The following USP6NL variants were observed in gnomAD, a reference collection of about 807,000 sequenced individuals.
USP6NL encodes the protein USP6 N-terminal-like protein.
In USP6NL, 26 loss-of-function variants were observed where a neutral mutation model predicts 61.9. The ratio of observed to expected loss-of-function variants is 0.42; its 90% CI spans 0.31 to 0.58. The LOEUF (loss-of-function observed/expected upper bound fraction) is 0.58, where lower values mean the gene tolerates loss of function less well. Ranked by LOEUF, USP6NL falls within the 20% of genes least tolerant of loss-of-function variation. The probability of loss-of-function intolerance (pLI) is 0.16; values close to 1 mark genes in which losing one functional copy is unlikely to be tolerated. For missense variants in USP6NL, 1,114 were observed against 1,034.3 expected (o/e 1.08, Z -1.06); for synonymous variants, 432 against 390.1 (o/e 1.11, Z -1.27).
chr10:11,568,354 T>C (rs553211466), intron 2 of USP6NL, among the ~76,000 whole-genome samples: 4 of 152,242 alleles, frequency 2.6e-5, no homozygotes, highest in South Asian at 2.1e-4. Context: ...GTAAACACCA[T>C]GACACAAAGA....
chr10:11,550,824 G>A (rs1338932478), intron 2 of USP6NL, among the ~76,000 whole-genome samples: 1 of 149,662 alleles, frequency 6.7e-6, no homozygotes, highest in Non-Finnish European at 1.5e-5. Context: ...GATTTGAATA[G>A]ACACTTCACA....
chr10:11,536,145 A>G (rs983623881), intron 2 of USP6NL, among the ~76,000 whole-genome samples: 8 of 152,230 alleles, frequency 5.3e-5, no homozygotes, highest in Non-Finnish European at 1.2e-4. Flanking sequence ...GGCTACATAC[A>G]CCAGCTCTCC....
intron 7 of USP6NL, among the ~76,000 whole-genome samples, chr10:11,500,663 G>A (rs1335027830): frequency 2.0e-5 from 3 of 151,650 alleles, no homozygotes; most frequent in African/African-American, 7.3e-5. Context: ...TTTCATGCTA[G>A]AAGAAAAGAA....
intron 2 of USP6NL, among the ~76,000 whole-genome samples, chr10:11,556,494 G>A (rs1316507315): frequency 6.6e-6 from 1 of 152,056 alleles, no homozygotes; most frequent in Non-Finnish European, 1.5e-5. Flanking sequence ...CAGATTAAAT[G>A]TAAAAAAACA....
intron 2 of USP6NL, among the ~76,000 whole-genome samples, chr10:11,572,242 T>C (rs963771887): frequency 6.6e-6 from 1 of 152,092 alleles, no homozygotes; most frequent in African/African-American, 2.4e-5. Context: ...TAATTTATAT[T>C]CTCTGGAAAT....
chr10:11,491,219 C>T lies in USP6NL; in HGVS notation c.495-339G>A, dbSNP rs183779715. ...ATGGTGGAATGGCCTTTTGAAGGCT[C>T]AGTGACATTGCCAGCAAGGTACAAT... On this transcript the variant is annotated intron_variant, in intron 8 of 14. Transcript: ENST00000609104. This position sits in a 1 kb window ranked among gnomAD's most constrained non-coding sequence, Gnocchi z 4.7. 0.017 allele frequency among the ~76,000 whole-genome samples: 2,583 copies of T among 151,810 alleles called. 32 individuals carry two copies. Among genetic ancestry groups the T allele is most frequent in the East Asian group, 0.047 (244 of 5,178 alleles).
At position 11,528,760 on chromosome 10, in the gene USP6NL, T is replaced by C. The variant is rs760817472; in HGVS notation, c.5-1193A>G. 6.6e-6 allele frequency among the ~76,000 whole-genome samples: 1 copy of C among 152,160 alleles called. No homozygotes were observed. Among genetic ancestry groups the C allele is most frequent in the African/African-American group, 2.4e-5 (1 of 41,426 alleles). On this transcript the variant is annotated intron_variant, in intron 2 of 14. Coordinates refer to ENST00000609104, the MANE Select transcript of USP6NL (RefSeq NM_014688.5). The surrounding 1 kb of genome is among the most constrained non-coding windows in gnomAD (Gnocchi z 4.6). ...TAAAACCCCACTAAAATAGCAACTA[T>C]AGGGATTCTTGAAATCCCCTCCTCA... is the stretch of plus-strand genomic sequence containing the variant.
At chr10:11,573,804 T>C (rs897273542) in intron 2 of USP6NL, 7 of 395,606 alleles carry the variant, frequency 1.8e-5, no homozygotes, top group Non-Finnish European at 3.1e-5. Flanking sequence ...GAGAAATGAA[T>C]GCTTTGCCTA....
chr10:11,584,125 G>A (rs566380527), intron 2 of USP6NL, among the ~76,000 whole-genome samples: 2 of 152,002 alleles, frequency 1.3e-5, no homozygotes, highest in Non-Finnish European at 2.9e-5. Context: ...TGAGGTGGGA[G>A]AATCATCACT....
chr10:11,476,019 G>A lies in USP6NL; in HGVS notation c.1078+5751C>T, dbSNP rs866817876. On this transcript the variant is annotated intron_variant, in intron 14 of 14. Transcript: ENST00000609104. The surrounding 1 kb of genome is among the most constrained non-coding windows in gnomAD (Gnocchi z 4.3). ...AGTGTGCGACATTCCACAGAATAGT[G>A]GGACTGTGCTCTTCAGCAGCTCAGT... Among the ~76,000 whole-genome samples the A allele has an allele frequency of 2.0e-5, 3 of 152,260 alleles. No individual in the cohort carries two copies. Among genetic ancestry groups the A allele is most frequent in the Middle Eastern group, 3.4e-3 (1 of 292 alleles).
chr10:11,599,425 G>A (rs1285162726), intron 1 of USP6NL, among the ~76,000 whole-genome samples: 4 of 152,124 alleles, frequency 2.6e-5, no homozygotes. Flanking sequence ...CTAACCAAAA[G>A]GAGCCAAAGA....
At chr10:11,522,250 A>G (rs1319406251) in intron 4 of USP6NL, among the ~76,000 whole-genome samples, 3 of 152,276 alleles carry the variant, frequency 2.0e-5, no homozygotes, top group Non-Finnish European at 4.4e-5. Flanking sequence ...CAAAGGTTGC[A>G]AAGTTATTTT....
chr10:11,462,725 T>C lies in USP6NL; in HGVS notation c.2203A>G (p.Thr735Ala), dbSNP rs1403608292. The C allele has an allele frequency of 6.2e-7, 1 of 1,613,936 alleles. No homozygotes were observed. The highest frequency in any genetic ancestry group is 8.5e-7 in the Non-Finnish European group (1 of 1,179,900). Reference protein sequence around the residue: ...PPVDYLPDNRTWSEVSYTYRP... With the variant: ...PPVDYLPDNRAWSEVSYTYRP... ...TATGTATAACTAACTTCTGACCATG[T>C]TCTGTTATCTGGCAAGTAATCCACT... The change falls in exon 15 of 15, where the codon ACA becomes GCA. Residue 735 changes from threonine to alanine, a missense_variant. By Grantham distance (58) the Thr-to-Ala change is moderately conservative (BLOSUM62 0). Coordinates refer to ENST00000609104, the MANE Select transcript of USP6NL (RefSeq NM_014688.5).
intron 2 of USP6NL, chr10:11,565,059 T>C (rs1405006230): frequency 1.3e-5 from 2 of 152,234 alleles, no homozygotes; most frequent in Non-Finnish European, 2.9e-5. Flanking sequence ...CTACAGGAGT[T>C]AACGTTTCTA....
chr10:11,486,296 T>C (rs1278963011), intron 10 of USP6NL, among the ~76,000 whole-genome samples: 2 of 152,146 alleles, frequency 1.3e-5, no homozygotes, highest in Non-Finnish European at 2.9e-5. Flanking sequence ...ACTCTTAATA[T>C]GTTAAATAAC....
intron 1 of USP6NL, among the ~76,000 whole-genome samples, chr10:11,601,645 G>T (rs1271715067): frequency 6.6e-6 from 1 of 152,200 alleles, no homozygotes; most frequent in East Asian, 1.9e-4. Flanking sequence ...ATATAAAGGG[G>T]TTAAATGCAT....
At chr10:11,606,897 T>C (rs1588428595) in intron 1 of USP6NL, among the ~76,000 whole-genome samples, 1 of 151,956 alleles carries the variant, frequency 6.6e-6, no homozygotes, top group Non-Finnish European at 1.5e-5. Context: ...TTCAAGTGAT[T>C]GTTGTGCCTC....
At chr10:11,550,585 A>C (rs963606789) in intron 2 of USP6NL, among the ~76,000 whole-genome samples, 5 of 151,896 alleles carry the variant, frequency 3.3e-5, no homozygotes, top group African/African-American at 9.7e-5. Context: ...GTGAAACCCT[A>C]TCTCTACTAA....
chr10:11,539,543 T>C (rs1333531078), intron 2 of USP6NL, among the ~76,000 whole-genome samples: 2 of 152,232 alleles, frequency 1.3e-5, no homozygotes, highest in Non-Finnish European at 2.9e-5. Flanking sequence ...AAGAGAAACA[T>C]AATTACTAGC....
Sources: allele counts gnomAD v4.1 joint callset (sites outside exome capture counted in the v4.1 genomes callset), GRCh38; gene constraint gnomAD v4.1.1; non-coding constraint Gnocchi (gnomAD v3.1); transcripts MANE v1.5; gene names NCBI Gene and HGNC (gene_info 2026-07-23, HGNC 2026-07-21).